Variants in ZRANB3 observed in about 807,000 individuals in gnomAD.
ZRANB3 encodes DNA annealing helicase and endonuclease ZRANB3.
A neutral mutation model predicts 133.8 loss-of-function variants in ZRANB3; 125 were observed. That is an observed-to-expected ratio of 0.93 (90% CI 0.81 to 1.08). The LOEUF is 1.08. Ranked by LOEUF, ZRANB3 falls within the 50% of genes least tolerant of loss-of-function variation. The pLI is 0.00. For synonymous variants in ZRANB3, 387 were observed against 432.7 expected (o/e 0.89, Z 1.31); for missense variants, 1,229 against 1,275.5 (o/e 0.96, Z 0.56).
At chr2:135,475,915 T>G (rs1204321973) in intron 2 of ZRANB3, among the ~76,000 whole-genome samples, 2 of 151,960 alleles carry the variant, frequency 1.3e-5, no homozygotes. Flanking sequence ...CAGTCTCTAC[T>G]AAAAATACCA....
intron 2 of ZRANB3, among the ~76,000 whole-genome samples, chr2:135,485,170 A>AACATAACAT (rs1559030618): frequency 1.4e-5 from 2 of 139,320 alleles, no homozygotes; most frequent in South Asian, 5.0e-4. Flanking sequence ...AAACAAAACA[A>AACATAACAT]AACAAAACAA....
intron 8 of ZRANB3, among the ~76,000 whole-genome samples, chr2:135,287,688 T>G (rs1282982691): frequency 6.7e-6 from 1 of 149,864 alleles, no homozygotes; most frequent in African/African-American, 2.5e-5. Flanking sequence ...TTTTTTTTTT[T>G]GCAGCTATTA....
At chr2:135,485,170 AAACAAAACAAAACAAAACATAACAT>A (rs1482908951) in intron 2 of ZRANB3, among the ~76,000 whole-genome samples, 1 of 139,232 alleles carries the variant, frequency 7.2e-6, no homozygotes, top group African/African-American at 2.9e-5. Flanking sequence ...AAACAAAACA[AAACAAAACAAAACAAAACATAACAT>A]AACATAACAT....
intron 6 of ZRANB3, among the ~76,000 whole-genome samples, chr2:135,317,846 C>A (rs1683335316): frequency 6.6e-6 from 1 of 152,104 alleles, no homozygotes; most frequent in African/African-American, 2.4e-5. Context: ...TTGTTACCCA[C>A]TCTCCCCACC....
chr2:135,445,379 G>A (rs1574114747), intron 2 of ZRANB3, among the ~76,000 whole-genome samples: 1 of 152,128 alleles, frequency 6.6e-6, no homozygotes, highest in South Asian at 2.1e-4. Flanking sequence ...GGGAGGTGGA[G>A]GTTGCAGTGA....
At chr2:135,242,087 G>A (rs150950470) in intron 12 of ZRANB3, among the ~76,000 whole-genome samples, 83 of 152,130 alleles carry the variant, frequency 5.5e-4, no homozygotes, top group Admixed American at 1.7e-3. Flanking sequence ...GCTGAGGCAC[G>A]AGAATCGCTT....
At chr2:135,359,575 C>A (rs1241461300) in intron 3 of ZRANB3, among the ~76,000 whole-genome samples, 1 of 140,238 alleles carries the variant, frequency 7.1e-6, no homozygotes, top group Non-Finnish European at 1.5e-5. Flanking sequence ...AGAATGAGAC[C>A]CTGAAAAAAA....
chr2:135,407,780 C>G (rs1233749516), intron 2 of ZRANB3, among the ~76,000 whole-genome samples: 1 of 147,712 alleles, frequency 6.8e-6, no homozygotes, highest in Non-Finnish European at 1.5e-5. Flanking sequence ...ATGTAGAAAG[C>G]TGAAACTGGA....
At chr2:135,380,420 ACTC>A (rs1574004808) in intron 3 of ZRANB3, among the ~76,000 whole-genome samples, 1 of 152,144 alleles carries the variant, frequency 6.6e-6, no homozygotes, top group East Asian at 1.9e-4. Flanking sequence ...GAAGTAAAGC[ACTC>A]CTCAGCAAAT....
chr2:135,297,909 T>G (rs1011686380), intron 8 of ZRANB3, among the ~76,000 whole-genome samples: 2 of 152,182 alleles, frequency 1.3e-5, no homozygotes, highest in Non-Finnish European at 2.9e-5. Context: ...CTCTGGAGAC[T>G]TTTTTGTCCA....
At chr2:135,491,345 T>A (rs1346045147) in intron 2 of ZRANB3, among the ~76,000 whole-genome samples, 2 of 152,120 alleles carry the variant, frequency 1.3e-5, no homozygotes, top group South Asian at 2.1e-4. Context: ...AGTATTTTTT[T>A]AAATTAATTT....
chr2:135,262,170 A>C (rs946967548), intron 12 of ZRANB3, among the ~76,000 whole-genome samples: 1 of 151,064 alleles, frequency 6.6e-6, no homozygotes, highest in Non-Finnish European at 1.5e-5. Flanking sequence ...AAAAAAAAAA[A>C]AAAAAAAAAA....
intron 2 of ZRANB3, among the ~76,000 whole-genome samples, chr2:135,402,337 C>T (rs547627331): frequency 1.7e-4 from 25 of 150,654 alleles, no homozygotes; most frequent in African/African-American, 5.1e-4. Context: ...CTCTGTTGCC[C>T]GGGCTGCAGT....
intron 8 of ZRANB3, among the ~76,000 whole-genome samples, chr2:135,298,836 A>G (rs1198130564): frequency 6.6e-6 from 1 of 152,166 alleles, no homozygotes; most frequent in African/African-American, 2.4e-5. Flanking sequence ...GTACAGACTG[A>G]GGATCTCAGG....
chr2:135,523,565 C>T (rs1315096682), intron 1 of ZRANB3, among the ~76,000 whole-genome samples: 1 of 152,198 alleles, frequency 6.6e-6, no homozygotes, highest in African/African-American at 2.4e-5. Flanking sequence ...GCAACACACA[C>T]TTATTATGTG....
In ZRANB3 at chr2:135,348,116, G is replaced by A. The variant is rs181807783; in HGVS notation, c.591+1868C>T. 2.5e-3 allele frequency among the ~76,000 whole-genome samples: 374 copies of A among 151,956 alleles called. 1 individual carries two copies. The highest frequency in any genetic ancestry group is 8.3e-3 in the African/African-American group (343 of 41,486). On this transcript the variant is annotated intron_variant, in intron 5 of 20. Coordinates refer to ENST00000264159, the MANE Select transcript of ZRANB3 (RefSeq NM_032143.4). ...TCTACTCAAAATACAAAAATGTGCC[G>A]GGTGTGGTGGCATGCGCCTGCAATC... is the stretch of plus-strand genomic sequence containing the variant.
rs374499538 is a variant in ZRANB3, at chr2:135,230,463, A to C, written c.1954+50T>G. 211 of 1,432,796 alleles carry C rather than the reference A, an allele frequency of 1.5e-4. No homozygotes were observed. The African/African-American group carries it at 2.8e-3, about 19-fold the overall frequency. 88.8% of individuals were successfully genotyped at this position (1,432,796 alleles called of 1,614,324 possible). ...AGTCTCTAAAAGCACAGGTTATCTG[A>C]AGACACCACTAACAGCCCTTACCTC... On this transcript the variant is annotated intron_variant, in intron 13 of 20. Transcript: ENST00000264159.
At chr2:135,466,098 A>C (rs1690976766) in intron 2 of ZRANB3, among the ~76,000 whole-genome samples, 1 of 152,152 alleles carries the variant, frequency 6.6e-6, no homozygotes, top group Admixed American at 6.5e-5. Context: ...TGAAGAATGG[A>C]TGGGCCAGGC....
chr2:135,248,102 C>A (rs1028877398), intron 12 of ZRANB3, among the ~76,000 whole-genome samples: 2 of 152,128 alleles, frequency 1.3e-5, no homozygotes, highest in Admixed American at 6.5e-5. Context: ...ACTGGTGATA[C>A]CTCTAGGTAC....
Sources: allele counts gnomAD v4.1 joint callset (sites outside exome capture counted in the v4.1 genomes callset), GRCh38; gene constraint gnomAD v4.1.1; transcripts MANE v1.5; gene names NCBI Gene and HGNC (gene_info 2026-07-23, HGNC 2026-07-21).